Variants in FERMT2 observed in about 807,000 individuals in gnomAD.
The protein encoded by FERMT2 is FERM domain containing kindlin 2, also known as fermitin family homolog 2.
In FERMT2, 15 loss-of-function variants were observed where a neutral mutation model predicts 82.7. That is an observed-to-expected ratio of 0.18 (90% CI 0.12 to 0.28). FERMT2 has a LOEUF of 0.28. FERMT2 is among the 10% of genes least tolerant of loss of function. The pLI is 1.00. For missense variants in FERMT2, 645 were observed against 809.4 expected, an observed-to-expected ratio of 0.80 and a Z score of 2.46; for synonymous variants, 274 against 271.5, an observed-to-expected ratio of 1.01 and a Z score of -0.09.
chr14:52,910,848 C>A (rs930534302), intron 3 of FERMT2, among the ~76,000 whole-genome samples: 5 of 152,010 alleles, frequency 3.3e-5, no homozygotes, highest in South Asian at 4.2e-4. Flanking sequence ...TGGAAATGTC[C>A]TCATCTTTCT....
chr14:52,866,951 T>TACATTTCCTTCTTTCTACTGCC (rs1885321070), intron 10 of FERMT2, among the ~76,000 whole-genome samples: 2 of 152,106 alleles, frequency 1.3e-5, no homozygotes, highest in Non-Finnish European at 2.9e-5. Context: ...TCTCAGACAC[T>TACATTTCCTTCTTTCTACTGCC]ACATTTCCTT....
In FERMT2 at chr14:52,872,860, A is replaced by C; in HGVS notation, c.1212T>G (p.Ile404Met). 2 of 1,614,012 alleles carry C rather than the reference A, an allele frequency of 1.2e-6. No individual in the cohort carries two copies. Among genetic ancestry groups the C allele is most frequent in the Non-Finnish European group, 1.7e-6 (2 of 1,179,898 alleles). The change falls in exon 10 of 15, where the codon ATT becomes ATG. Residue 404 changes from isoleucine to methionine, a missense_variant. Ile to Met is a conservative substitution (Grantham distance 10, BLOSUM62 1). Coordinates refer to ENST00000341590, the MANE Select transcript of FERMT2 (RefSeq NM_006832.3). Reference protein sequence around the residue: ...QYWCTFKDTSISCYKSKEESS... With the variant: ...QYWCTFKDTSMSCYKSKEESS... ...ATTCTTCTTTGCTCTTATAACAAGA[A>C]ATGGATGTGTCTTTGAAGGTGCACC...
chr14:52,881,846 A>G (rs555420647), intron 4 of FERMT2: 1 of 1,241,054 alleles, frequency 8.1e-7, no homozygotes, highest in Non-Finnish European at 1.1e-6. Flanking sequence ...AAAGGAAAGA[A>G]AGGAATTCAG....
chr14:52,927,416 T>C (rs1889332847), intron 2 of FERMT2, among the ~76,000 whole-genome samples: 1 of 151,660 alleles, frequency 6.6e-6, no homozygotes, highest in Admixed American at 6.6e-5. Flanking sequence ...TATTTAATGT[T>C]TTCCTAATAA....
At position 52,864,654 on chromosome 14, in the gene FERMT2, T is replaced by C. The variant is rs73300786; in HGVS notation, c.1381-32A>G. ...AAAAGAAATACTGATGTGTGCAATG[T>C]ATCACGAGGTGGGTCTTTCAAGTAT... is the stretch of plus-strand genomic sequence containing the variant. On this transcript the variant is annotated intron_variant, in intron 11 of 14. Transcript: ENST00000341590. 2.3e-3 allele frequency: 3,710 copies of C among 1,590,580 alleles called. 75 individuals carry two copies. In the African/African-American group the frequency reaches 0.042, roughly 18 times the overall value.
chr14:52,863,377 A>C (rs1451431942), intron 12 of FERMT2: 1 of 152,170 alleles, frequency 6.6e-6, no homozygotes, highest in South Asian at 2.1e-4. Flanking sequence ...ATTATTCCTT[A>C]ACAAAGATTA....
At chr14:52,859,433 T>C in intron 14 of FERMT2, 140 bp downstream of exon 14, 1 of 775,736 alleles carries the variant, frequency 1.3e-6, no homozygotes, top group Non-Finnish European at 1.8e-6. Context: ...AAGTGAGAAA[T>C]GAATAGTCAA....
intron 6 of FERMT2, 75 bp from the exon 7 acceptor site, chr14:52,878,764 T>G: frequency 7.1e-6 from 5 of 700,894 alleles, no homozygotes; most frequent in Non-Finnish European, 1.1e-5. Flanking sequence ...GAATATTCAA[T>G]TGACAAGAAA....
intron 2 of FERMT2, chr14:52,928,117 T>C (rs940991239): frequency 3.2e-5 from 8 of 253,634 alleles, no homozygotes; most frequent in African/African-American, 1.8e-4. Flanking sequence ...GGAGGATAAA[T>C]TTCTAGTTGC....
At chr14:52,933,522 C>G (rs1216186386) in intron 2 of FERMT2, among the ~76,000 whole-genome samples, 1 of 151,644 alleles carries the variant, frequency 6.6e-6, no homozygotes, top group African/African-American at 2.4e-5. Flanking sequence ...ACCAGCCTGA[C>G]CAACATGGAG....
At chr14:52,901,105 C>T (rs1218864449) in intron 3 of FERMT2, among the ~76,000 whole-genome samples, 1 of 68,620 alleles carries the variant, frequency 1.5e-5, no homozygotes, top group Non-Finnish European at 2.6e-5. Flanking sequence ...ACTAAAAATA[C>T]AAAAAAAAAA....
intron 3 of FERMT2, among the ~76,000 whole-genome samples, chr14:52,909,310 C>A (rs1273178060): frequency 6.6e-6 from 1 of 152,162 alleles, no homozygotes; most frequent in Non-Finnish European, 1.5e-5. Flanking sequence ...GCCTGGAGCT[C>A]TAGGAAGCAT....
intron 3 of FERMT2, among the ~76,000 whole-genome samples, chr14:52,912,111 CAT>C (rs554555284): frequency 1.1e-4 from 16 of 152,156 alleles, no homozygotes; most frequent in Non-Finnish European, 1.6e-4. Context: ...TCTATTCACA[CAT>C]GTCAAGTACT....
At chr14:52,886,488 G>A (rs890987933) in intron 4 of FERMT2, among the ~76,000 whole-genome samples, 8 of 152,138 alleles carry the variant, frequency 5.3e-5, no homozygotes, top group African/African-American at 1.4e-4. Context: ...ACACCACAAC[G>A]CCCAGCTCTG....
At chr14:52,901,027 G>A (rs1191154338) in intron 3 of FERMT2, among the ~76,000 whole-genome samples, 4 of 149,046 alleles carry the variant, frequency 2.7e-5, no homozygotes, top group South Asian at 2.1e-4. Context: ...TTGGGAGGCC[G>A]AGGCGGGCGG....
chr14:52,916,330 C>T (rs1014759626), intron 3 of FERMT2, among the ~76,000 whole-genome samples: 2 of 144,586 alleles, frequency 1.4e-5, no homozygotes, highest in East Asian at 2.0e-4. Context: ...GGCAACAGAG[C>T]GAGACTCGTC....
rs567598265 is a variant in FERMT2, at chr14:52,894,378, G to A, written c.392-951C>T. 4.6e-5 allele frequency among the ~76,000 whole-genome samples: 7 copies of A among 152,280 alleles called. No homozygotes were observed. The East Asian group carries it at 1.2e-3, about 25-fold the overall frequency. ...AATTAAGCTAAAGATTTAATGAGAT[G>A]CCAGTCAAAATTCCAATTTGCTTTT... is the stretch of plus-strand genomic sequence containing the variant. On this transcript the variant is annotated intron_variant, in intron 3 of 14. Coordinates refer to ENST00000341590, the MANE Select transcript of FERMT2 (RefSeq NM_006832.3).
At chr14:52,890,408 G>A (rs1378067474) in intron 4 of FERMT2, among the ~76,000 whole-genome samples, 1 of 136,350 alleles carries the variant, frequency 7.3e-6, no homozygotes, top group Non-Finnish European at 1.6e-5. Context: ...CGCAGCCACT[G>A]CACTCCGGCC....
chr14:52,865,637 A>G (rs1463494279), intron 10 of FERMT2, among the ~76,000 whole-genome samples: 1 of 152,206 alleles, frequency 6.6e-6, no homozygotes, highest in East Asian at 1.9e-4. Flanking sequence ...CAAGAATGAC[A>G]TGAACAAAGC....
Sources: gnomAD v4.1 joint callset for allele counts (sites outside exome capture counted in the v4.1 genomes callset) on GRCh38, gnomAD v4.1.1 for gene constraint, MANE v1.5 for transcripts, NCBI Gene and HGNC (gene_info 2026-07-23, HGNC 2026-07-21) for gene names.